Variants in GMPR observed in about 807,000 individuals in gnomAD.
GMPR encodes GMP reductase 1.
In GMPR, 31 loss-of-function variants were observed where a neutral mutation model predicts 38.4. That is an observed-to-expected ratio of 0.81 (90% confidence interval 0.61 to 1.09). The LOEUF is 1.09. Ranked by LOEUF, GMPR falls within the 50% of genes least tolerant of loss-of-function variation. The pLI is 0.00. For synonymous variants in GMPR, 162 were observed against 173.3 expected, an observed-to-expected ratio of 0.93 and a Z score of 0.51; for missense variants, 468 against 453.7, an observed-to-expected ratio of 1.03 and a Z score of -0.29.
At chr6:16,293,874 G>T (rs1355773952) in intron 8 of GMPR, among the ~76,000 whole-genome samples, 1 of 152,220 alleles carries the variant, frequency 6.6e-6, no homozygotes, top group African/African-American at 2.4e-5. Context: ...GTTAGAACTT[G>T]CATGGCCCTT....
At chr6:16,247,030 C>T in intron 2 of GMPR, 69 bp downstream of exon 2, 6 of 1,465,514 alleles carry the variant, frequency 4.1e-6, no homozygotes, top group Non-Finnish European at 5.6e-6. Context: ...GGAGCCGACC[C>T]TGGCTTTATT....
chr6:16,251,041 T>TA (rs1291798405), intron 3 of GMPR, among the ~76,000 whole-genome samples: 1 of 152,142 alleles, frequency 6.6e-6, no homozygotes, highest in East Asian at 1.9e-4. Context: ...CATTTCTAGG[T>TA]ATAGACTCAA....
chr6:16,281,338 A>G (rs1759569294), intron 6 of GMPR, among the ~76,000 whole-genome samples: 1 of 152,128 alleles, frequency 6.6e-6, no homozygotes, highest in Non-Finnish European at 1.5e-5. Context: ...TTCCTGAACC[A>G]GGTCTCATCT....
At chr6:16,291,210 GTTTATTTTTTATTT>G (rs914168632) in intron 8 of GMPR, among the ~76,000 whole-genome samples, 156 of 152,208 alleles carry the variant, frequency 1.0e-3, no homozygotes, top group African/African-American at 3.7e-3. Flanking sequence ...GCTGATGTGT[GTTTATTTTTTATTT>G]TTTATTTTTA....
chr6:16,243,065 T>C (rs1448270834), intron 1 of GMPR, among the ~76,000 whole-genome samples: 1 of 151,180 alleles, frequency 6.6e-6, no homozygotes, highest in Admixed American at 6.6e-5. Context: ...CTTCAACATT[T>C]TGGGGGCGGG....
intron 4 of GMPR, among the ~76,000 whole-genome samples, chr6:16,260,692 A>G (rs1398002292): frequency 1.3e-5 from 2 of 152,058 alleles, no homozygotes; most frequent in Non-Finnish European, 2.9e-5. Flanking sequence ...GTACTATAGC[A>G]TAGCCTGCCT....
chr6:16,253,929 A>T (rs1581649431), intron 3 of GMPR, among the ~76,000 whole-genome samples: 1 of 150,026 alleles, frequency 6.7e-6, no homozygotes, highest in African/African-American at 2.5e-5. Flanking sequence ...TTTTTTTTTT[A>T]GTGGCGGGGT....
chr6:16,267,605 C>A (rs1581657702), intron 4 of GMPR, among the ~76,000 whole-genome samples: 1 of 151,964 alleles, frequency 6.6e-6, no homozygotes, highest in East Asian at 1.9e-4. Flanking sequence ...ACTCCGGACA[C>A]GCCATCTTTT....
In GMPR at chr6:16,246,950, G is replaced by A. The variant is rs149627498; in HGVS notation, c.196G>A (p.Val66Met). 5.2e-4 allele frequency: 844 copies of A among 1,613,916 alleles called. 1 individual carries two copies. Among genetic ancestry groups the A allele is most frequent in the Non-Finnish European group, 5.2e-4 (609 of 1,179,918 alleles). The change falls in exon 2 of 9, where the codon GTG (valine) becomes ATG (methionine). Residue 66 changes from valine to methionine, a missense_variant. Val to Met is a conservative substitution (Grantham distance 21). Transcript: ENST00000259727. ...TGTGGGCACGTTTGAGATGGCAGCC[G>A]TGATGTCACAGGTGAGGCGGTAGGC... Reference protein sequence around the residue: ...DTVGTFEMAAVMSQHSMFTAI... With the variant: ...DTVGTFEMAAMMSQHSMFTAI...
chr6:16,287,813 T>C (rs1230119200), intron 7 of GMPR, among the ~76,000 whole-genome samples: 1 of 152,206 alleles, frequency 6.6e-6, no homozygotes, highest in East Asian at 1.9e-4. Flanking sequence ...TGCGTTGTGC[T>C]TTGCTTCCCT....
At chr6:16,290,655 C>G in intron 8 of GMPR, 34 bp downstream of exon 8, 2 of 1,591,046 alleles carry the variant, frequency 1.3e-6, no homozygotes, top group Non-Finnish European at 1.7e-6. Flanking sequence ...ACCCTCGAGG[C>G]CTGGCCTTGC....
intron 4 of GMPR, among the ~76,000 whole-genome samples, chr6:16,270,620 T>G (rs1193633607): frequency 1.3e-5 from 2 of 152,216 alleles, no homozygotes; most frequent in Admixed American, 6.5e-5. Context: ...CTTTTCCTCT[T>G]TTCCCTTATT....
chr6:16,242,373 C>G (rs550933967), intron 1 of GMPR, among the ~76,000 whole-genome samples: 1 of 150,650 alleles, frequency 6.6e-6, no homozygotes, highest in South Asian at 2.1e-4. Context: ...ATGCTGGTTT[C>G]CTGGGGCTGC....
intron 1 of GMPR, 117 bp from the exon 2 acceptor site, chr6:16,246,725 A>G: frequency 2.1e-6 from 2 of 961,614 alleles, no homozygotes; most frequent in Non-Finnish European, 3.1e-6. Context: ...CCCTAAGAGA[A>G]TCCAGGGACC....
intron 4 of GMPR, chr6:16,262,923 G>A (rs533546861): frequency 5.9e-5 from 9 of 152,140 alleles, no homozygotes; most frequent in African/African-American, 1.4e-4. Context: ...AGGTGGGGAG[G>A]GCTAGTCACG....
intron 7 of GMPR, 31 bp from the exon 8 acceptor site, chr6:16,290,431 A>G: frequency 6.2e-7 from 1 of 1,606,856 alleles, no homozygotes; most frequent in Non-Finnish European, 8.5e-7. Context: ...TTTCTCTGCT[A>G]CTCGCTTTCA....
intron 4 of GMPR, among the ~76,000 whole-genome samples, chr6:16,268,598 TAG>T (rs1759316695): frequency 6.6e-6 from 1 of 152,198 alleles, no homozygotes; most frequent in South Asian, 2.1e-4. Flanking sequence ...CTTTTTATGT[TAG>T]GGGTTGGCAC....
intron 2 of GMPR, among the ~76,000 whole-genome samples, chr6:16,248,361 T>C (rs1758801565): frequency 6.6e-6 from 1 of 150,720 alleles, no homozygotes; most frequent in Non-Finnish European, 1.5e-5. Context: ...GGAAAACCCA[T>C]TTGTGGGCAG....
intron 7 of GMPR, chr6:16,289,624 CG>C (rs1363324785): frequency 6.6e-6 from 1 of 152,064 alleles, no homozygotes; most frequent in Non-Finnish European, 1.5e-5. Context: ...CAGCATGGTG[CG>C]GGTGGAGTTT....
Sources: gnomAD v4.1 joint callset for allele counts (sites outside exome capture counted in the v4.1 genomes callset) on GRCh38, gnomAD v4.1.1 for gene constraint, MANE v1.5 for transcripts, NCBI Gene and HGNC (gene_info 2026-07-23, HGNC 2026-07-21) for gene names.